Variants in EPHA5 observed in about 807,000 individuals in gnomAD.
The protein encoded by EPHA5 is EPH receptor A5, also known as ephrin type-A receptor 5.
EPHA5 carries 60 observed loss-of-function variants against 105.0 expected under a neutral mutation model. That is an observed-to-expected ratio of 0.57 (90% CI 0.46 to 0.71). The LOEUF is 0.71. Ranked by LOEUF, EPHA5 falls within the 30% of genes least tolerant of loss-of-function variation. The probability of loss-of-function intolerance (pLI) is 0.00; values close to 1 mark genes in which losing one functional copy is unlikely to be tolerated. For missense variants in EPHA5, 1,218 were observed against 1,274.7 expected, an observed-to-expected ratio of 0.96 and a Z score of 0.68; for synonymous variants, 513 against 449.1, an observed-to-expected ratio of 1.14 and a Z score of -1.80.
chr4:65,644,623 A>G (rs192303241), intron 1 of EPHA5, among the ~76,000 whole-genome samples: 2 of 152,162 alleles, frequency 1.3e-5, no homozygotes, highest in African/African-American at 2.4e-5. Context: ...ATAAGATAAT[A>G]TAACATTATT....
intron 8 of EPHA5, among the ~76,000 whole-genome samples, chr4:65,373,318 A>C (rs1718674360): frequency 6.6e-6 from 1 of 151,916 alleles, no homozygotes; most frequent in Non-Finnish European, 1.5e-5. Flanking sequence ...ACCACAAAGC[A>C]CTTTAAATGG....
intron 5 of EPHA5, among the ~76,000 whole-genome samples, chr4:65,475,843 T>C (rs1729743932): frequency 6.6e-6 from 1 of 152,066 alleles, no homozygotes; most frequent in Non-Finnish European, 1.5e-5. Context: ...AACTAGTTTC[T>C]AGGTGAGCAG....
intron 3 of EPHA5, among the ~76,000 whole-genome samples, chr4:65,563,069 T>C (rs977878209): frequency 1.3e-4 from 20 of 152,164 alleles, no homozygotes; most frequent in African/African-American, 4.6e-4. Context: ...TGATAAAATA[T>C]ACTTTCAAGT....
intron 5 of EPHA5, 121 bp downstream of exon 5, chr4:65,490,256 T>G: frequency 1.1e-6 from 1 of 906,984 alleles, no homozygotes; most frequent in Non-Finnish European, 1.7e-6. Context: ...ATACTTTAAG[T>G]CCTGACCTTC....
chr4:65,650,178 G>T (rs562347217), intron 1 of EPHA5, among the ~76,000 whole-genome samples: 1 of 152,172 alleles, frequency 6.6e-6, no homozygotes, highest in Admixed American at 6.5e-5. Context: ...AATGAACAAA[G>T]TATCTTCTCT....
At chr4:65,475,555 G>A (rs1370467652) in intron 5 of EPHA5, among the ~76,000 whole-genome samples, 1 of 151,980 alleles carries the variant, frequency 6.6e-6, no homozygotes, top group African/African-American at 2.4e-5. Context: ...GTGTTCCCTA[G>A]GAATAGTAAT....
intron 12 of EPHA5, 67 bp from the exon 13 acceptor site, chr4:65,351,665 G>A (rs1722831672): frequency 5.0e-6 from 7 of 1,397,342 alleles, no homozygotes; most frequent in South Asian, 1.2e-5. Flanking sequence ...TGAGAGGTCT[G>A]TATTCAATCC....
chr4:65,404,052 A>G (rs1722112621), intron 8 of EPHA5, among the ~76,000 whole-genome samples: 2 of 152,152 alleles, frequency 1.3e-5, no homozygotes, highest in Non-Finnish European at 1.5e-5. Flanking sequence ...GCAGGCAACC[A>G]TATACAATTT....
chr4:65,369,185 T>A (rs549467294), intron 8 of EPHA5, among the ~76,000 whole-genome samples: 2 of 152,284 alleles, frequency 1.3e-5, no homozygotes, highest in South Asian at 4.1e-4. Flanking sequence ...AATGAATAAA[T>A]GAATGAGAGA....
In EPHA5 at chr4:65,330,606, G is replaced by A. The variant is rs556536969; in HGVS notation, c.2945+1367C>T. On this transcript the variant is annotated intron_variant, in intron 16 of 16. Coordinates refer to ENST00000613740, the MANE Select transcript of EPHA5 (RefSeq NM_001281766.3). ...ATATTTACAAGTAATCTGACATTGG[G>A]TAGAAGAAATACCTACAATATCATT... is the stretch of plus-strand genomic sequence containing the variant. 410 of 512,610 alleles carry A rather than the reference G, an allele frequency of 8.0e-4. 3 individuals carry two copies. The highest frequency in any genetic ancestry group is 7.7e-3 in the African/African-American group (385 of 49,810). The allele number at this position is 512,610 out of a possible 1,614,324, so 31.8% of individuals were successfully genotyped here. A position where few individuals can be genotyped will look rare whatever the true frequency, so the allele number is the denominator to read the frequency against.
chr4:65,595,231 T>C (rs1263994359), intron 3 of EPHA5, among the ~76,000 whole-genome samples: 1 of 152,198 alleles, frequency 6.6e-6, no homozygotes, highest in East Asian at 1.9e-4. Flanking sequence ...TTCATAACTT[T>C]TAACTGTAGA....
At chr4:65,372,098 C>T (rs1341538440) in intron 8 of EPHA5, among the ~76,000 whole-genome samples, 1 of 151,964 alleles carries the variant, frequency 6.6e-6, no homozygotes, top group Non-Finnish European at 1.5e-5. Context: ...CATATGCACA[C>T]TCACGTGTTC....
intron 11 of EPHA5, among the ~76,000 whole-genome samples, chr4:65,359,131 C>T (rs777133420): frequency 3.3e-5 from 5 of 151,450 alleles, no homozygotes; most frequent in African/African-American, 1.2e-4. Context: ...TTCTATAAAC[C>T]TATATTTTTT....
At chr4:65,457,612 A>G (rs533122344) in intron 5 of EPHA5, among the ~76,000 whole-genome samples, 82 of 151,780 alleles carry the variant, frequency 5.4e-4, no homozygotes, top group African/African-American at 1.9e-3. Flanking sequence ...CTTTTTCTAT[A>G]TATATAATTA....
intron 3 of EPHA5, among the ~76,000 whole-genome samples, chr4:65,592,655 G>C (rs1445843624): frequency 6.6e-6 from 1 of 152,132 alleles, no homozygotes; most frequent in Admixed American, 6.5e-5. Context: ...TCTGGGTGAG[G>C]TTTCGGGATG....
In EPHA5 at chr4:65,626,656, G is replaced by A. The variant is rs139009226; in HGVS notation, c.246+16707C>T. 9.9e-4 allele frequency among the ~76,000 whole-genome samples: 151 copies of A among 152,242 alleles called. 1 individual carries two copies. Among genetic ancestry groups the A allele is most frequent in the African/African-American group, 3.4e-3 (140 of 41,548 alleles). On this transcript the variant is annotated intron_variant, in intron 2 of 16. Transcript: ENST00000613740. ...GGTTATATGCCATTATGGCCATTAC[G>A]TATAGTTTCAAATCAAAGTTGTATG...
At chr4:65,384,277 T>G (rs1719872874) in intron 8 of EPHA5, among the ~76,000 whole-genome samples, 1 of 152,020 alleles carries the variant, frequency 6.6e-6, no homozygotes, top group African/African-American at 2.4e-5. Flanking sequence ...TCAATATTTC[T>G]GTGTTCATTT....
At chr4:65,657,345 AGCT>A (rs1749167675) in intron 1 of EPHA5, among the ~76,000 whole-genome samples, 1 of 152,176 alleles carries the variant, frequency 6.6e-6, no homozygotes, top group Admixed American at 6.6e-5. Flanking sequence ...GTTGGCTGAT[AGCT>A]GTTCAAGTGA....
intron 3 of EPHA5, among the ~76,000 whole-genome samples, chr4:65,517,140 G>C (rs1034562347): frequency 6.6e-6 from 1 of 151,656 alleles, no homozygotes; most frequent in African/African-American, 2.4e-5. Context: ...TGTATTTAGG[G>C]ACTTTTTAAA....
Sources: allele counts gnomAD v4.1 joint callset (sites outside exome capture counted in the v4.1 genomes callset), GRCh38; gene constraint gnomAD v4.1.1; transcripts MANE v1.5; gene names NCBI Gene and HGNC (gene_info 2026-07-23, HGNC 2026-07-21).